Variants in ADAMTS12 observed in about 807,000 individuals in gnomAD.
The protein encoded by ADAMTS12 is A disintegrin and metalloproteinase with thrombospondin motifs 12.
Under a neutral mutation model 167.8 loss-of-function variants are expected in ADAMTS12, and 118 were observed. The ratio of observed to expected loss-of-function variants is 0.70; its 90% CI spans 0.61 to 0.82. The LOEUF is 0.82. Among genes scored for constraint, ADAMTS12 ranks in the 40% least tolerant of loss-of-function variants. ADAMTS12 has a pLI of 0.00. For synonymous variants in ADAMTS12, 704 were observed against 716.9 expected, an observed-to-expected ratio of 0.98 and a Z score of 0.29; for missense variants, 1,916 against 1,998.8, an observed-to-expected ratio of 0.96 and a Z score of 0.79.
At chr5:33,683,778 G>A (rs1460304794) in intron 4 of ADAMTS12, 81 bp downstream of exon 4, 2 of 1,116,850 alleles carry the variant, frequency 1.8e-6, no homozygotes, top group East Asian at 2.8e-5. Flanking sequence ...ACCCCAAAAA[G>A]GCCTTTCTTA....
chr5:33,689,833 C>T (rs1441891143), intron 3 of ADAMTS12, among the ~76,000 whole-genome samples: 1 of 152,146 alleles, frequency 6.6e-6, no homozygotes, highest in East Asian at 1.9e-4. Flanking sequence ...TTTTAAGGGT[C>T]ATGGAACCTT....
At chr5:33,644,354 C>G (rs1740583492) in intron 9 of ADAMTS12, among the ~76,000 whole-genome samples, 1 of 152,172 alleles carries the variant, frequency 6.6e-6, no homozygotes, top group African/African-American at 2.4e-5. Context: ...TCTCCTCCAT[C>G]ACACACCCCT....
At position 33,829,935 on chromosome 5, in the gene ADAMTS12, ACT is replaced by A. The variant is rs563899135; in HGVS notation, c.489+51182_489+51183del. ...TGACATTCAGAGAGCCCTTTCCATA[ACT>A]CTCTTGGTCTAGCCCATACCTACCT... On this transcript the variant is annotated intron_variant, in intron 2 of 23. Coordinates refer to ENST00000504830, the MANE Select transcript of ADAMTS12 (RefSeq NM_030955.4). Among the ~76,000 whole-genome samples, 622 of 152,014 alleles carry A rather than the reference ACT, an allele frequency of 4.1e-3. 2 individuals carry two copies. The highest frequency in any genetic ancestry group is 6.6e-3 in the Non-Finnish European group (447 of 67,966).
intron 3 of ADAMTS12, among the ~76,000 whole-genome samples, chr5:33,721,705 C>T (rs1437806560): frequency 6.6e-6 from 1 of 152,238 alleles, no homozygotes; most frequent in African/African-American, 2.4e-5. Context: ...ATCCTGCATC[C>T]TGAGTTGGAG....
intron 22 of ADAMTS12, among the ~76,000 whole-genome samples, chr5:33,541,397 T>A (rs886839439): frequency 6.6e-6 from 1 of 152,206 alleles, no homozygotes; most frequent in African/African-American, 2.4e-5. Context: ...GGAACCAAGT[T>A]GGAAAACACT....
rs539772124 is a variant in ADAMTS12 at position 33,806,009 on chromosome 5, T to C, written c.490-54461A>G. 2.0e-5 allele frequency among the ~76,000 whole-genome samples: 3 copies of C among 152,332 alleles called. No individual in the cohort carries two copies. The South Asian group carries it at 6.2e-4, about 32-fold the overall frequency. ...AAACTTTATTATGTTTAGAGTCTGCTGCTAAGTGGTAAATAAGTGTAAATA... is the reference window on the plus strand; with the variant it reads ...AAACTTTATTATGTTTAGAGTCTGCCGCTAAGTGGTAAATAAGTGTAAATA... On this transcript the variant is annotated intron_variant, in intron 2 of 23. Transcript: ENST00000504830.
chr5:33,641,894 C>T lies in ADAMTS12; in HGVS notation c.1634G>A (p.Trp545Ter). 1 of 1,613,858 alleles carries T rather than the reference C, an allele frequency of 6.2e-7. No homozygotes were observed. The highest frequency in any genetic ancestry group is 8.5e-7 in the Non-Finnish European group (1 of 1,179,804). ...GTGGGACCAGGGTGACCAGCGGCCC[C>T]AGCCTCCAGGAATGCTCTCTGGTTT... ...GKKPESIPGGWGRWSPWSHCS... is the reference protein window; with the variant it reads ...GKKPESIPGG The change falls in exon 11 of 24, where the codon TGG (tryptophan) becomes TAG (stop). Residue 545 changes from tryptophan (W) to a stop codon, truncating the protein, a stop_gained. Transcript: ENST00000504830. LOFTEE classifies it high-confidence loss of function.
chr5:33,632,615 T>C (rs1264397016), intron 12 of ADAMTS12, among the ~76,000 whole-genome samples: 1 of 152,156 alleles, frequency 6.6e-6, no homozygotes, highest in Non-Finnish European at 1.5e-5. Flanking sequence ...CCATTTCTGG[T>C]AGCACGATTA....
At chr5:33,890,321 G>A (rs1750796768) in intron 1 of ADAMTS12, among the ~76,000 whole-genome samples, 1 of 152,190 alleles carries the variant, frequency 6.6e-6, no homozygotes, top group African/African-American at 2.4e-5. Flanking sequence ...AGAACAACAA[G>A]CCCTGCTATT....
intron 21 of ADAMTS12, among the ~76,000 whole-genome samples, chr5:33,548,134 G>C (rs1256361189): frequency 6.6e-6 from 1 of 152,186 alleles, no homozygotes; most frequent in Non-Finnish European, 1.5e-5. Context: ...CTCAGGTTGG[G>C]ATTCTCTGCC....
chr5:33,774,818 C>T (rs1020612494), intron 2 of ADAMTS12, among the ~76,000 whole-genome samples: 16 of 152,264 alleles, frequency 1.1e-4, no homozygotes, highest in African/African-American at 3.8e-4. Context: ...CTTTATTCTC[C>T]CGCTGATTTG....
intron 13 of ADAMTS12, among the ~76,000 whole-genome samples, chr5:33,628,180 T>G (rs932343274): frequency 2.0e-5 from 3 of 151,170 alleles, no homozygotes; most frequent in Non-Finnish European, 4.4e-5. Flanking sequence ...GACGGAGGAG[T>G]CCAGGAGCTG....
intron 23 of ADAMTS12, among the ~76,000 whole-genome samples, chr5:33,527,888 G>T (rs1293764693): frequency 6.6e-6 from 1 of 152,182 alleles, no homozygotes; most frequent in Non-Finnish European, 1.5e-5. Context: ...GCTCAATCAT[G>T]TGAACCTTGG....
chr5:33,549,105 C>A, intron 21 of ADAMTS12, 102 bp downstream of exon 21: 1 of 1,407,230 alleles, frequency 7.1e-7, no homozygotes, highest in South Asian at 1.4e-5. Context: ...ATTGGCAGGA[C>A]ACAGGTGTGG....
chr5:33,597,216 A>G (rs572215961), intron 16 of ADAMTS12, among the ~76,000 whole-genome samples: 40 of 152,328 alleles, frequency 2.6e-4, no homozygotes, highest in African/African-American at 9.4e-4. Context: ...AGGAGTGGCC[A>G]GACTGTCATG....
intron 12 of ADAMTS12, among the ~76,000 whole-genome samples, chr5:33,634,951 T>G (rs2112156712): frequency 6.6e-6 from 1 of 152,186 alleles, no homozygotes; most frequent in South Asian, 2.1e-4. Flanking sequence ...AGCCTTAAAC[T>G]TCTGTGATGA....
At chr5:33,586,762 T>C (rs1401480482) in intron 18 of ADAMTS12, among the ~76,000 whole-genome samples, 1 of 152,194 alleles carries the variant, frequency 6.6e-6, no homozygotes, top group Non-Finnish European at 1.5e-5. Flanking sequence ...TTGACAACAC[T>C]GTAATTCACA....
chr5:33,629,955 C>T (rs1330340539), intron 13 of ADAMTS12, among the ~76,000 whole-genome samples: 1 of 152,096 alleles, frequency 6.6e-6, no homozygotes, highest in African/African-American at 2.4e-5. Context: ...CTTTTGACAA[C>T]CCCACCTAGG....
rs113879273 is a variant in ADAMTS12, at chr5:33,643,343, G to A, written c.1572+35C>T. ...GCTCCTCCCAAGAACTCTGCCCACC[G>A]CCCTCCCACCTCATTCCTCGGCCTG... is the stretch of plus-strand genomic sequence containing the variant. On this transcript the variant is annotated intron_variant, in intron 10 of 23. Coordinates refer to ENST00000504830, the MANE Select transcript of ADAMTS12 (RefSeq NM_030955.4). The A allele has an allele frequency of 3.3e-4, 526 of 1,607,114 alleles. 2 individuals carry two copies. The African/African-American group carries it at 3.6e-3, about 11-fold the overall frequency.
Sources: gnomAD v4.1 joint callset for allele counts (sites outside exome capture counted in the v4.1 genomes callset) on GRCh38, gnomAD v4.1.1 for gene constraint, MANE v1.5 for transcripts, NCBI Gene and HGNC (gene_info 2026-07-23, HGNC 2026-07-21) for gene names.